FMN1: variants seen among roughly 807,000 people sequenced by gnomAD.
FMN1 encodes formin-1.
In FMN1, 110 loss-of-function variants were observed where a neutral mutation model predicts 132.4. That is an observed-to-expected ratio of 0.83 (90% CI 0.71 to 0.97). The LOEUF (loss-of-function observed/expected upper bound fraction) is 0.97. FMN1 is among the 50% of genes least tolerant of loss of function. The probability of loss-of-function intolerance (pLI) is 0.00; values close to 1 mark genes in which losing one functional copy is unlikely to be tolerated. For synonymous variants in FMN1, 722 were observed against 651.7 expected (o/e 1.11, Z -1.64); for missense variants, 1,792 against 1,705.3 (o/e 1.05, Z -0.90).
intron 6 of FMN1, among the ~76,000 whole-genome samples, chr15:33,009,837 A>C (rs1461364902): frequency 6.6e-6 from 1 of 152,226 alleles, no homozygotes; most frequent in Non-Finnish European, 1.5e-5. Flanking sequence ...ATATGATGGA[A>C]TACTACTCAG....
chr15:33,154,669 GTCTT>G lies in FMN1; in HGVS notation c.242_245del (p.Lys81ThrfsTer3). On this transcript the variant is annotated frameshift_variant, in exon 4 of 21. Coordinates refer to ENST00000616417, the MANE Select transcript of FMN1 (RefSeq NM_001277313.2). LOFTEE classifies it high-confidence loss of function. ...TGAGTTTGTACAGCTCAGTTAGAAT[GTCTT>G]TCGTGGGAGTCTGCTTGAAAAATAT... 6.5e-7 allele frequency: 1 copy of G among 1,536,130 alleles called. No homozygotes were observed. The highest frequency in any genetic ancestry group is 8.7e-7 in the Non-Finnish European group (1 of 1,146,912).
chr15:33,038,541 A>G (rs939838184), intron 6 of FMN1, among the ~76,000 whole-genome samples: 3 of 152,254 alleles, frequency 2.0e-5, no homozygotes, highest in South Asian at 2.1e-4. Context: ...CCTGTCATCA[A>G]AAGAATTTTA....
intron 4 of FMN1, chr15:33,105,975 G>A (rs1335329481): frequency 2.0e-5 from 3 of 152,038 alleles, no homozygotes; most frequent in Admixed American, 6.6e-5. Context: ...GCATGAAGGG[G>A]TGAAAGCTGG....
At chr15:33,032,726 T>G (rs1299041098) in intron 6 of FMN1, among the ~76,000 whole-genome samples, 1 of 152,172 alleles carries the variant, frequency 6.6e-6, no homozygotes, top group Non-Finnish European at 1.5e-5. Context: ...AGATCATGAC[T>G]ACTGTAGATG....
chr15:33,108,237 G>C (rs2039559575), intron 4 of FMN1, among the ~76,000 whole-genome samples: 1 of 151,762 alleles, frequency 6.6e-6, no homozygotes, highest in African/African-American at 2.4e-5. Flanking sequence ...GGCTTAACTA[G>C]AAAAAAGAAA....
chr15:33,165,520 A>G (rs1965067750), intron 3 of FMN1, among the ~76,000 whole-genome samples: 3 of 152,066 alleles, frequency 2.0e-5, no homozygotes, highest in Admixed American at 2.0e-4. Context: ...CCTCCCGAGT[A>G]GCTGGGAATA....
At chr15:33,074,966 A>G (rs1381544259) in intron 5 of FMN1, among the ~76,000 whole-genome samples, 1 of 141,082 alleles carries the variant, frequency 7.1e-6, no homozygotes, top group African/African-American at 2.7e-5. Flanking sequence ...GGTTGCAGTG[A>G]GCCGAGATGG....
At chr15:32,982,400 G>A (rs1300749255) in intron 7 of FMN1, among the ~76,000 whole-genome samples, 1 of 152,102 alleles carries the variant, frequency 6.6e-6, no homozygotes, top group Admixed American at 6.6e-5. Context: ...ATCAACTATC[G>A]ATCCCACTCC....
chr15:32,950,050 T>TACACACACATATATATATACAC (rs1341745727), intron 9 of FMN1, among the ~76,000 whole-genome samples: 3 of 3,940 alleles, frequency 7.6e-4, no homozygotes, highest in African/African-American at 1.6e-3. Context: ...TATATATATA[T>TACACACACATATATATATACAC]ACACATATAT....
intron 17 of FMN1, among the ~76,000 whole-genome samples, chr15:32,808,373 A>C (rs2057754875): frequency 6.6e-6 from 1 of 152,234 alleles, no homozygotes; most frequent in African/African-American, 2.4e-5. Flanking sequence ...AGATGATGAT[A>C]CCTACCCTCC....
chr15:32,960,939 G>A (rs2030444162), intron 9 of FMN1, among the ~76,000 whole-genome samples: 1 of 125,854 alleles, frequency 7.9e-6, no homozygotes, highest in Admixed American at 8.8e-5. Flanking sequence ...AGGTTGCAGT[G>A]AGCCGAGATC....
chr15:32,901,184 A>G lies in FMN1; in HGVS notation c.3507+727T>C, dbSNP rs138212926. ...AAAAAGAAAGAAAGAAAGAAAGAAA[A>G]AAAATTCAGCTCCAGGCAGACTTCT... On this transcript the variant is annotated intron_variant, in intron 13 of 20. Transcript: ENST00000616417. 7.5e-4 allele frequency among the ~76,000 whole-genome samples: 114 copies of G among 152,254 alleles called. 1 individual carries two copies. The East Asian group carries it at 0.02, about 27-fold the overall frequency.
At chr15:32,972,034 T>A (rs369494765) in intron 7 of FMN1, among the ~76,000 whole-genome samples, 27 of 152,354 alleles carry the variant, frequency 1.8e-4, no homozygotes, top group Middle Eastern at 3.4e-3. Context: ...TACCTCAGTT[T>A]TTTTTGTAAG....
intron 10 of FMN1, among the ~76,000 whole-genome samples, chr15:32,912,499 G>C (rs1410659853): frequency 3.3e-5 from 5 of 152,188 alleles, no homozygotes; most frequent in Non-Finnish European, 5.9e-5. Context: ...TTATATCCCA[G>C]TCTGGGGACA....
In FMN1 at chr15:32,891,220, G is replaced by A. The variant is rs561850773; in HGVS notation, c.3715-2928C>T. 2.2e-3 allele frequency among the ~76,000 whole-genome samples: 337 copies of A among 152,236 alleles called. 1 individual carries two copies. Among genetic ancestry groups the A allele is most frequent in the Middle Eastern group, 3.4e-3 (1 of 294 alleles). ...TCTGCTTAGTCTTGGCTCCCGCCACGTGGGTTCTTTTATGGTTCCGTATGA... is the reference window on the plus strand; with the variant it reads ...TCTGCTTAGTCTTGGCTCCCGCCACATGGGTTCTTTTATGGTTCCGTATGA... On this transcript the variant is annotated intron_variant, in intron 15 of 20. Coordinates refer to ENST00000616417, the MANE Select transcript of FMN1 (RefSeq NM_001277313.2).
At chr15:33,096,147 AAAGG>A (rs1210533951) in intron 4 of FMN1, among the ~76,000 whole-genome samples, 1 of 152,176 alleles carries the variant, frequency 6.6e-6, no homozygotes, top group African/African-American at 2.4e-5. Context: ...CCTATCATCA[AAAGG>A]AAGAAACAAG....
At chr15:32,796,213 C>CT (rs1483925769) in intron 19 of FMN1, among the ~76,000 whole-genome samples, 1 of 152,172 alleles carries the variant, frequency 6.6e-6, no homozygotes, top group Non-Finnish European at 1.5e-5. Flanking sequence ...CTCCAGTGGC[C>CT]TAAGTAGTTT....
chr15:32,792,207 A>G (rs2140945768), intron 19 of FMN1, among the ~76,000 whole-genome samples: 1 of 148,264 alleles, frequency 6.7e-6, no homozygotes, highest in South Asian at 2.2e-4. Flanking sequence ...TGGGAGGCCG[A>G]GGCGGGCAGA....
intron 16 of FMN1, among the ~76,000 whole-genome samples, chr15:32,868,089 T>A (rs775195793): frequency 6.6e-6 from 1 of 152,238 alleles, no homozygotes; most frequent in South Asian, 2.1e-4. Context: ...TGTACACTCA[T>A]GTACCTCAGA....
Sources: gnomAD v4.1 joint callset for allele counts (sites outside exome capture counted in the v4.1 genomes callset) on GRCh38, gnomAD v4.1.1 for gene constraint, MANE v1.5 for transcripts, NCBI Gene and HGNC (gene_info 2026-07-23, HGNC 2026-07-21) for gene names.